The following NAT10 variants were observed in gnomAD, a reference collection of about 807,000 sequenced individuals.
NAT10 encodes N-acetyltransferase 10.
NAT10 carries 109 observed loss-of-function variants against 132.2 expected under a neutral mutation model. The ratio of observed to expected loss-of-function variants is 0.82; its 90% CI spans 0.71 to 0.97. The LOEUF (loss-of-function observed/expected upper bound fraction) is 0.97, where lower values mean the gene tolerates loss of function less well. NAT10 is among the 50% of genes least tolerant of loss of function. The probability of loss-of-function intolerance (pLI) is 0.00; values close to 1 mark genes in which losing one functional copy is unlikely to be tolerated. For synonymous variants in NAT10, 479 were observed against 478.0 expected (o/e 1.00, Z -0.03); for missense variants, 1,184 against 1,263.4 (o/e 0.94, Z 0.95).
intron 15 of NAT10, 78 bp downstream of exon 15, chr11:34,132,299 A>T: frequency 8.5e-7 from 1 of 1,173,394 alleles, no homozygotes; most frequent in Non-Finnish European, 1.3e-6. Context: ...TGATTTGCAT[A>T]TTTTATTACC....
chr11:34,133,077 T>G lies in NAT10; in HGVS notation c.1669T>G (p.Phe557Val). 1 of 1,614,176 alleles carries G rather than the reference T, an allele frequency of 6.2e-7. No homozygotes were observed. The highest frequency in any genetic ancestry group is 8.5e-7 in the Non-Finnish European group (1 of 1,180,000). Reference sequence around the variant, plus strand: ...CTCCGATGCACCTGCTCACCATCTCTTCTGCCTTCTGCCTCCCGTGCCCCC... The same window carrying G: ...CTCCGATGCACCTGCTCACCATCTCGTCTGCCTTCTGCCTCCCGTGCCCCC... ...MLSDAPAHHL[F>V]CLLPPVPPTQ... The change falls in exon 16 of 29, where the codon TTC (phenylalanine) becomes GTC (valine). Residue 557 changes from phenylalanine to valine, a missense_variant. Physicochemically the swap from Phe to Val is conservative, Grantham distance 50 (BLOSUM62 -1). Transcript: ENST00000257829.
chr11:34,112,242 C>G lies in NAT10; in HGVS notation c.372+19C>G, dbSNP rs1363163959. On this transcript the variant is annotated intron_variant, in intron 4 of 28. Coordinates refer to ENST00000257829, the MANE Select transcript of NAT10 (RefSeq NM_024662.3). ...GCTGCAGGTGGGTGGCTTCCTCTAACCTGTGATTGAAGTCAGAGTCTTGAG... is the reference window on the plus strand; with the variant it reads ...GCTGCAGGTGGGTGGCTTCCTCTAAGCTGTGATTGAAGTCAGAGTCTTGAG... The G allele has an allele frequency of 5.0e-6, 8 of 1,613,816 alleles. No individual in the cohort carries two copies. The Admixed American group carries it at 1.3e-4, about 27-fold the overall frequency.
chr11:34,112,026 A>G lies in NAT10; in HGVS notation c.201-26A>G, dbSNP rs756123527. 4.3e-6 allele frequency: 7 copies of G among 1,612,262 alleles called. No individual in the cohort carries two copies. In the Admixed American group the frequency reaches 5.0e-5, roughly 12 times the overall value. The stretch of plus-strand genomic sequence containing the variant: ...TAGCTGCTCTGGTTAACTGGCTCTC[A>G]TGGGATTGGGGGTGTGTGATTGCAG... On this transcript the variant is annotated intron_variant, in intron 3 of 28. Transcript: ENST00000257829.
intron 24 of NAT10, 132 bp downstream of exon 24, chr11:34,140,704 C>A: frequency 9.4e-7 from 1 of 1,060,552 alleles, no homozygotes; most frequent in Non-Finnish European, 1.4e-6. Context: ...TGGGTAGTGG[C>A]ATCCTCATTC....
chr11:34,113,942 G>C lies in NAT10; in HGVS notation c.495+104G>C. The C allele has an allele frequency of 2.2e-6, 3 of 1,382,808 alleles. No homozygotes were observed. The South Asian group carries it at 4.1e-5, about 19-fold the overall frequency. 85.7% of individuals were successfully genotyped at this position (1,382,808 alleles called of 1,614,324 possible). On this transcript the variant is annotated intron_variant, in intron 5 of 28. Transcript: ENST00000257829. ...TCCTGTTGGGCAGCTCCAGTGAGTAGTCAGCACAGCCTCTGGGCTAAGAGC... is the reference window on the plus strand; with the variant it reads ...TCCTGTTGGGCAGCTCCAGTGAGTACTCAGCACAGCCTCTGGGCTAAGAGC...
chr11:34,132,971 G>A (rs1222400640), intron 15 of NAT10, 55 bp from the exon 16 acceptor site: 2 of 1,437,154 alleles, frequency 1.4e-6, no homozygotes, highest in East Asian at 2.3e-5. Context: ...CGAACCTTTT[G>A]CGTAAAGGGC....
chr11:34,117,104 G>A (rs1359107057), intron 6 of NAT10, among the ~76,000 whole-genome samples: 2 of 152,160 alleles, frequency 1.3e-5, no homozygotes, highest in African/African-American at 4.8e-5. Flanking sequence ...CACCTATACC[G>A]TTTTTTCCTT....
At chr11:34,135,346 T>G in intron 19 of NAT10, 55 bp downstream of exon 19, 5 of 1,516,834 alleles carry the variant, frequency 3.3e-6, no homozygotes, top group Non-Finnish European at 4.6e-6. Context: ...GATAATTCTC[T>G]GGGTTTTTAG....
chr11:34,127,440 A>G (rs201083417), intron 11 of NAT10, 23 bp from the exon 12 acceptor site: 2 of 1,583,494 alleles, frequency 1.3e-6, no homozygotes, highest in East Asian at 4.6e-5. Flanking sequence ...TATGCTAATA[A>G]TCTAAATTTT....
chr11:34,109,472 A>G (rs1238017593), intron 3 of NAT10, among the ~76,000 whole-genome samples: 2 of 152,146 alleles, frequency 1.3e-5, no homozygotes, highest in Non-Finnish European at 2.9e-5. Flanking sequence ...TTCTGCTTCT[A>G]TAATTGTGAT....
chr11:34,134,038 C>T (rs1490184403), intron 16 of NAT10, among the ~76,000 whole-genome samples: 1 of 151,796 alleles, frequency 6.6e-6, no homozygotes, highest in Non-Finnish European at 1.5e-5. Flanking sequence ...GTGGTAGGCA[C>T]CTGTAGTCCC....
chr11:34,116,704 T>C (rs1262785152), intron 6 of NAT10, among the ~76,000 whole-genome samples: 1 of 152,100 alleles, frequency 6.6e-6, no homozygotes, highest in African/African-American at 2.4e-5. Flanking sequence ...AAGCAATTCT[T>C]GTGCCTCAGC....
rs1236294091 is a variant in NAT10 at position 34,134,364 on chromosome 11, C to G, written c.1780C>G (p.Leu594Val). The G allele has an allele frequency of 1.2e-6, 2 of 1,614,122 alleles. No individual in the cohort carries two copies. Among genetic ancestry groups the G allele is most frequent in the Non-Finnish European group, 8.5e-7 (1 of 1,180,056 alleles). The change falls in exon 17 of 29, where the codon CTG (leucine) becomes GTG (valine). Residue 594 changes from leucine to valine, a missense_variant. Physicochemically the swap from Leu to Val is conservative, Grantham distance 32. Coordinates refer to ENST00000257829, the MANE Select transcript of NAT10 (RefSeq NM_024662.3). Reference protein sequence around the residue: ...EISRQSILNSLSRGKKASGDL... With the variant: ...EISRQSILNSVSRGKKASGDL... ...TTCTCGCCAGTCCATCTTGAACAGT[C>G]TGTCTCGAGGCAAGAAGGCTTCAGG...
intron 6 of NAT10, 79 bp downstream of exon 6, chr11:34,115,963 T>C (rs1282587517): frequency 6.9e-7 from 1 of 1,451,952 alleles, no homozygotes; most frequent in African/African-American, 1.4e-5. Context: ...CTGAAAACTT[T>C]GCTTTTATAT....
chr11:34,133,661 A>C (rs1399882287), intron 16 of NAT10, among the ~76,000 whole-genome samples: 1 of 152,178 alleles, frequency 6.6e-6, no homozygotes, highest in Non-Finnish European at 1.5e-5. Context: ...TCAACCATTC[A>C]CCTGTTAGAC....
intron 2 of NAT10, 130 bp downstream of exon 2, chr11:34,108,463 CCTTT>C (rs1851634312): frequency 4.0e-6 from 3 of 756,284 alleles, no homozygotes; most frequent in Non-Finnish European, 6.6e-6. Flanking sequence ...CTAGTGGGAA[CCTTT>C]CTTTATTTCC....
At chr11:34,140,361 G>A (rs372616384) in intron 23 of NAT10, 39 bp from the exon 24 acceptor site, 24 of 1,585,846 alleles carry the variant, frequency 1.5e-5, no homozygotes, top group Admixed American at 1.7e-5. Context: ...TGAGGGCGCC[G>A]GGTGACCTAA....
chr11:34,107,668 C>T (rs1450824582), intron 1 of NAT10, among the ~76,000 whole-genome samples: 1 of 152,230 alleles, frequency 6.6e-6, no homozygotes, highest in Non-Finnish European at 1.5e-5. Flanking sequence ...TGGCTCACAC[C>T]TGTAATCCCA....
intron 6 of NAT10, among the ~76,000 whole-genome samples, chr11:34,117,217 A>T (rs553850012): frequency 6.6e-6 from 1 of 152,068 alleles, no homozygotes; most frequent in Non-Finnish European, 1.5e-5. Flanking sequence ...AAAAAAATTT[A>T]TTTTTTTGAG....
Sources: allele counts gnomAD v4.1 joint callset (sites outside exome capture counted in the v4.1 genomes callset), GRCh38; gene constraint gnomAD v4.1.1; transcripts MANE v1.5; gene names NCBI Gene and HGNC (gene_info 2026-07-23, HGNC 2026-07-21).